The following CLDN16 variants were observed in gnomAD, a reference collection of about 807,000 sequenced individuals.
The protein encoded by CLDN16 is claudin 16, also known as claudin-16.
Under a neutral mutation model 24.6 loss-of-function variants are expected in CLDN16, and 13 were observed. The observed-to-expected ratio is 0.53, with a 90% CI of 0.34 to 0.84. CLDN16 has a LOEUF of 0.84. CLDN16 is among the 40% of genes least tolerant of loss of function. The pLI is 0.01. For synonymous variants in CLDN16, 116 were observed against 106.7 expected, an observed-to-expected ratio of 1.09 and a Z score of -0.54; for missense variants, 298 against 292.7, an observed-to-expected ratio of 1.02 and a Z score of -0.13.
At chr3:190,400,736 G>A (rs929949543) in intron 1 of CLDN16, among the ~76,000 whole-genome samples, 1 of 152,110 alleles carries the variant, frequency 6.6e-6, no homozygotes, top group African/African-American at 2.4e-5. Context: ...GGATATCTAG[G>A]TTGATTCCAT....
At position 190,341,305 on chromosome 3, in the gene CLDN16, G is replaced by GTGTTTCCA. The variant is rs1371746377; in HGVS notation, n.121+18646_121+18653dup. Among the ~76,000 whole-genome samples the GTGTTTCCA allele has an allele frequency of 2.0e-5, 3 of 152,294 alleles. No homozygotes were observed. In the East Asian group the frequency reaches 5.8e-4, roughly 29 times the overall value. On this transcript the variant is annotated intron_variant and non_coding_transcript_variant, in intron 1 of 4. Coordinates refer to the CLDN16 transcript ENST00000468220. ...AGCAAACTTCTGCCTGGATATCAAG[G>GTGTTTCCA]TGTTTCCATACATCCTCTGAAATCT...
chr3:190,314,406 T>C, the CLDN16 span, among the ~76,000 whole-genome samples: 1 of 152,164 alleles, frequency 6.6e-6, no homozygotes, highest in African/African-American at 2.4e-5. Context: ...TTTATTTTTC[T>C]TTTTTTGAGA....
chr3:190,317,044 G>A, the CLDN16 span, among the ~76,000 whole-genome samples: 10 of 152,250 alleles, frequency 6.6e-5, no homozygotes, highest in African/African-American at 2.2e-4. Flanking sequence ...ATGGAATGAT[G>A]AGTGGCAGAG....
the CLDN16 span, among the ~76,000 whole-genome samples, chr3:190,308,984 T>A: frequency 6.6e-6 from 1 of 152,120 alleles, no homozygotes; most frequent in Admixed American, 6.6e-5. Context: ...GCAGATGTAT[T>A]AAAGCAGACA....
intron 1 of CLDN16, among the ~76,000 whole-genome samples, chr3:190,395,686 G>A (rs1206506326): frequency 6.6e-6 from 1 of 152,032 alleles, no homozygotes; most frequent in African/African-American, 2.4e-5. Flanking sequence ...AAAGTGGTGT[G>A]AAAATTATAA....
chr3:190,408,226 C>T, intron 3 of CLDN16, 88 bp from the exon 4 acceptor site: 1 of 1,297,856 alleles, frequency 7.7e-7, no homozygotes, highest in African/African-American at 1.5e-5. Flanking sequence ...CTGAATCACG[C>T]CAGCCATTTT....
chr3:190,317,423 A>G, the CLDN16 span, among the ~76,000 whole-genome samples: 1 of 152,218 alleles, frequency 6.6e-6, no homozygotes, highest in African/African-American at 2.4e-5. Context: ...AAAAGTAAAT[A>G]CTTACAAAGA....
At chr3:190,322,525 T>TAATGA, upstream of CLDN16, 1 of 353,776 alleles carries the variant, frequency 2.8e-6, no homozygotes, top group Non-Finnish European at 5.2e-6. Context: ...CCCTGGCGGT[T>TAATGA]TCAGGGCGGC....
upstream of CLDN16, chr3:190,321,938 G>A: frequency 1.4e-6 from 2 of 1,476,812 alleles, no homozygotes; most frequent in Non-Finnish European, 1.9e-6. Context: ...AGCTGCAGGG[G>A]GACTGGGGCC....
At chr3:190,332,375 G>C (rs1319496480) in intron 1 of CLDN16, among the ~76,000 whole-genome samples, 3 of 152,154 alleles carry the variant, frequency 2.0e-5, no homozygotes, top group African/African-American at 7.2e-5. Flanking sequence ...GCACCAGACA[G>C]TAAGGGCTAA....
At chr3:190,326,291 C>T (rs1299142436) in intron 1 of CLDN16, among the ~76,000 whole-genome samples, 3 of 152,164 alleles carry the variant, frequency 2.0e-5, no homozygotes, top group African/African-American at 7.2e-5. Context: ...TGCAAATGAT[C>T]CTCATGTTTG....
intron 1 of CLDN16, among the ~76,000 whole-genome samples, chr3:190,390,881 G>A (rs181807852): frequency 2.0e-5 from 3 of 152,028 alleles, no homozygotes; most frequent in Non-Finnish European, 4.4e-5. Context: ...AAACTTCTAG[G>A]CTCAAGTCAT....
At chr3:190,369,788 A>G (rs1432268733) in intron 1 of CLDN16, among the ~76,000 whole-genome samples, 1 of 151,992 alleles carries the variant, frequency 6.6e-6, no homozygotes, top group Non-Finnish European at 1.5e-5. Flanking sequence ...GTTAATGATC[A>G]TAAACAAAAT....
intron 3 of CLDN16, among the ~76,000 whole-genome samples, chr3:190,376,319 T>C (rs1333952384): frequency 6.6e-6 from 1 of 151,732 alleles, no homozygotes. Flanking sequence ...TAAAGAAATA[T>C]AAAATTTTGA....
At chr3:190,329,079 C>A (rs1717129285) in intron 1 of CLDN16, among the ~76,000 whole-genome samples, 1 of 152,130 alleles carries the variant, frequency 6.6e-6, no homozygotes, top group South Asian at 2.1e-4. Flanking sequence ...CAATAAGGAG[C>A]AATCACAGAA....
upstream of CLDN16, among the ~76,000 whole-genome samples, chr3:190,320,229 AT>A: frequency 6.6e-6 from 1 of 152,346 alleles, no homozygotes; most frequent in African/African-American, 2.4e-5. Context: ...TCATTTGGTC[AT>A]TTCAGGAAGT....
intron 2 of CLDN16, among the ~76,000 whole-genome samples, chr3:190,371,529 G>A (rs765891883): frequency 1.3e-5 from 2 of 151,892 alleles, no homozygotes; most frequent in Non-Finnish European, 1.5e-5. Context: ...AGACTCTGAT[G>A]TTCTCAATTT....
At chr3:190,406,998 C>A (rs536120730) in intron 3 of CLDN16, among the ~76,000 whole-genome samples, 1 of 152,178 alleles carries the variant, frequency 6.6e-6, no homozygotes, top group African/African-American at 2.4e-5. Flanking sequence ...CCTCGGCCCC[C>A]CAAAGCGCTG....
chr3:190,335,440 T>C (rs946129682), intron 1 of CLDN16, among the ~76,000 whole-genome samples: 1 of 151,976 alleles, frequency 6.6e-6, no homozygotes, highest in African/African-American at 2.4e-5. Flanking sequence ...CCTGGCTGGG[T>C]GCAGTGGCTC....
Sources: allele counts gnomAD v4.1 joint callset (sites outside exome capture counted in the v4.1 genomes callset), GRCh38; gene constraint gnomAD v4.1.1; transcripts MANE v1.5; gene names NCBI Gene and HGNC (gene_info 2026-07-23, HGNC 2026-07-21).